PTPRD: variants seen among roughly 807,000 people sequenced by gnomAD.
PTPRD encodes the protein protein tyrosine phosphatase receptor type D, also known as receptor-type tyrosine-protein phosphatase delta.
A neutral mutation model predicts 214.5 loss-of-function variants in PTPRD; 34 were observed. The ratio of observed to expected loss-of-function variants is 0.16; its 90% CI spans 0.12 to 0.21. The LOEUF (loss-of-function observed/expected upper bound fraction) is 0.21, where lower values mean the gene tolerates loss of function less well. PTPRD is among the 10% of genes least tolerant of loss of function. The pLI is 1.00. For synonymous variants in PTPRD, 1,128 were observed against 845.7 expected, an observed-to-expected ratio of 1.33 and a Z score of -5.79; for missense variants, 2,545 against 2,398.7, an observed-to-expected ratio of 1.06 and a Z score of -1.27.
chr9:9,832,663 T>C (rs1031038685), intron 5 of PTPRD, among the ~76,000 whole-genome samples: 3 of 151,940 alleles, frequency 2.0e-5, no homozygotes, highest in Non-Finnish European at 4.4e-5. Context: ...AAAGGAAGCT[T>C]TTAAAAAGAG....
chr9:10,604,257 G>A (rs1446170817), intron 2 of PTPRD, among the ~76,000 whole-genome samples: 1 of 151,724 alleles, frequency 6.6e-6, no homozygotes, highest in Non-Finnish European at 1.5e-5. Context: ...CTTGAATATG[G>A]CCTGAAATTC....
chr9:8,951,743 C>G (rs772504295), intron 11 of PTPRD, among the ~76,000 whole-genome samples: 14 of 152,040 alleles, frequency 9.2e-5, no homozygotes, highest in African/African-American at 1.9e-4. Flanking sequence ...CTTCCCAACA[C>G]TATCACCACA....
At chr9:8,343,141 A>T (rs1034928101) in intron 39 of PTPRD, among the ~76,000 whole-genome samples, 1 of 121,324 alleles carries the variant, frequency 8.2e-6, no homozygotes, top group African/African-American at 2.7e-5. Context: ...GCAAGGCAGT[A>T]AGAGATCATT....
intron 5 of PTPRD, among the ~76,000 whole-genome samples, chr9:9,845,474 A>G (rs1000594884): frequency 2.0e-5 from 3 of 151,708 alleles, no homozygotes; most frequent in Non-Finnish European, 4.4e-5. Context: ...GCTCATGAGC[A>G]TATACGTGTG....
At chr9:9,747,939 A>T (rs576933674) in intron 6 of PTPRD, among the ~76,000 whole-genome samples, 15 of 152,306 alleles carry the variant, frequency 9.8e-5, no homozygotes, top group African/African-American at 3.6e-4. Flanking sequence ...ATGTATAAAC[A>T]GGTGGATTTC....
At chr9:8,830,774 C>T (rs1410874284) in intron 11 of PTPRD, among the ~76,000 whole-genome samples, 4 of 152,030 alleles carry the variant, frequency 2.6e-5, no homozygotes, top group South Asian at 4.1e-4. Flanking sequence ...CAATCAAATC[C>T]GTAATTTGGG....
At chr9:9,270,182 C>A (rs1429996482) in intron 9 of PTPRD, among the ~76,000 whole-genome samples, 1 of 151,022 alleles carries the variant, frequency 6.6e-6, no homozygotes, top group Admixed American at 6.6e-5. Context: ...CAAAACATCA[C>A]GTTGCACACA....
chr9:8,687,142 T>C (rs2097697187), intron 12 of PTPRD, among the ~76,000 whole-genome samples: 1 of 152,168 alleles, frequency 6.6e-6, no homozygotes. Flanking sequence ...ATATTCCACA[T>C]ATATTGTTTG....
rs145172922 is a variant in PTPRD at position 9,166,543 on chromosome 9, C to T, written c.-143+16761G>A. 7.3e-3 allele frequency among the ~76,000 whole-genome samples: 1,114 copies of T among 152,230 alleles called. 9 individuals are homozygous for T. Among genetic ancestry groups the T allele is most frequent in the African/African-American group, 0.025 (1,033 of 41,534 alleles). ...GGTCCCAAGGAAATGCTTATGAATC[C>T]ATCATCCCTACAAAACCTAGAGATG... is the stretch of plus-strand genomic sequence containing the variant. On this transcript the variant is annotated intron_variant, in intron 10 of 45. Transcript: ENST00000381196.
At chr9:10,023,605 G>C (rs1357337165) in intron 4 of PTPRD, among the ~76,000 whole-genome samples, 1 of 149,834 alleles carries the variant, frequency 6.7e-6, no homozygotes, top group African/African-American at 2.5e-5. Flanking sequence ...TTATTTGCCA[G>C]AACTTACATG....
chr9:10,572,463 T>A (rs2067762788), intron 2 of PTPRD, among the ~76,000 whole-genome samples: 3 of 152,170 alleles, frequency 2.0e-5, no homozygotes, highest in Non-Finnish European at 2.9e-5. Context: ...TTTGACCAAC[T>A]CTTTAAACTT....
At chr9:8,868,431 TG>T (rs2098237483) in intron 11 of PTPRD, among the ~76,000 whole-genome samples, 1 of 152,118 alleles carries the variant, frequency 6.6e-6, no homozygotes, top group Admixed American at 6.6e-5. Flanking sequence ...CTCGAAATCC[TG>T]GCCTCAAGTG....
At chr9:9,118,707 G>C (rs1359999501) in intron 10 of PTPRD, among the ~76,000 whole-genome samples, 3 of 152,134 alleles carry the variant, frequency 2.0e-5, no homozygotes, top group African/African-American at 7.2e-5. Context: ...ATAGACAGCT[G>C]ATAATTGAAC....
chr9:9,773,164 A>G (rs887530396), intron 5 of PTPRD, among the ~76,000 whole-genome samples: 5 of 152,306 alleles, frequency 3.3e-5, no homozygotes, highest in Admixed American at 3.3e-4. Flanking sequence ...AACTATATTA[A>G]TACAAGAAAA....
At chr9:9,720,702 T>C (rs1239547230) in intron 7 of PTPRD, among the ~76,000 whole-genome samples, 1 of 152,120 alleles carries the variant, frequency 6.6e-6, no homozygotes, top group Non-Finnish European at 1.5e-5. Flanking sequence ...GGAGTTTAAA[T>C]TGCAGTACTA....
chr9:9,823,772 G>A (rs1188899446), intron 5 of PTPRD, among the ~76,000 whole-genome samples: 1 of 151,962 alleles, frequency 6.6e-6, no homozygotes, highest in African/African-American at 2.4e-5. Flanking sequence ...AATACAGTCA[G>A]ATAGAAGAAA....
chr9:8,528,896 A>T, intron 14 of PTPRD, 117 bp from the exon 15 acceptor site: 15 of 907,396 alleles, frequency 1.7e-5, no homozygotes, highest in Non-Finnish European at 2.5e-5. Flanking sequence ...CCTAACACAA[A>T]CCAGGCACTA....
At chr9:8,546,647 C>T (rs987486640) in intron 14 of PTPRD, among the ~76,000 whole-genome samples, 24 of 151,766 alleles carry the variant, frequency 1.6e-4, no homozygotes, top group Non-Finnish European at 3.1e-4. Flanking sequence ...TACAGGCGTG[C>T]GCCACCATGC....
intron 4 of PTPRD, among the ~76,000 whole-genome samples, chr9:10,005,894 CTTAA>C (rs2096463562): frequency 6.6e-6 from 1 of 151,700 alleles, no homozygotes; most frequent in Admixed American, 6.6e-5. Flanking sequence ...ATGGTAAATG[CTTAA>C]TTAAATAATC....
Sources: gnomAD v4.1 joint callset for allele counts (sites outside exome capture counted in the v4.1 genomes callset) on GRCh38, gnomAD v4.1.1 for gene constraint, MANE v1.5 for transcripts, NCBI Gene and HGNC (gene_info 2026-07-23, HGNC 2026-07-21) for gene names.